The following RAB10 variants were observed in gnomAD, a reference collection of about 807,000 sequenced individuals.
RAB10 encodes RAB10, member RAS oncogene family.
A neutral mutation model predicts 25.7 loss-of-function variants in RAB10; 5 were observed. That is an observed-to-expected ratio of 0.19 (90% CI 0.10 to 0.41). RAB10 has a LOEUF of 0.41. Among genes scored for constraint, RAB10 ranks in the 10% least tolerant of loss-of-function variants. RAB10 has a pLI of 1.00. For synonymous variants in RAB10, 89 were observed against 86.4 expected (o/e 1.03, Z -0.16); for missense variants, 103 against 245.8 (o/e 0.42, Z 3.89).
At chr2:26,080,558 G>A (rs1000319601) in intron 1 of RAB10, among the ~76,000 whole-genome samples, 3 of 152,096 alleles carry the variant, frequency 2.0e-5, no homozygotes, top group African/African-American at 4.8e-5. Context: ...ATGTACACAG[G>A]AGTACAGTGA....
chr2:26,074,663 C>T (rs918603431), intron 1 of RAB10, among the ~76,000 whole-genome samples: 2 of 152,228 alleles, frequency 1.3e-5, no homozygotes, highest in Admixed American at 6.5e-5. Context: ...AGGTGATCCA[C>T]CCGCCTTGGT....
intron 2 of RAB10, among the ~76,000 whole-genome samples, chr2:26,105,284 A>G (rs182307870): frequency 6.6e-6 from 1 of 152,336 alleles, no homozygotes; most frequent in East Asian, 1.9e-4. Context: ...GGTATTGTTA[A>G]CAAGCAGCCA....
Position 26,134,991 on chromosome 2 carries a change from C to A in RAB10, c.573C>A (p.Gly191=). 2.5e-6 allele frequency: 4 copies of A among 1,613,564 alleles called. No homozygotes were observed. The highest frequency in any genetic ancestry group is 3.4e-6 in the Non-Finnish European group (4 of 1,179,686). The change falls in exon 6 of 6, where the codon GGC becomes GGA. Residue 191 remains glycine (G), a synonymous_variant. Transcript: ENST00000264710. ...ATGTAGATATCAGCAGTGGAGGAGG[C>A]GTGACAGGCTGGAAGAGCAAATGCT... ...SENVDISSGG[G]VTGWKSKCC
intron 2 of RAB10, among the ~76,000 whole-genome samples, chr2:26,100,320 T>TG (rs1667316423): frequency 6.6e-6 from 1 of 152,190 alleles, no homozygotes; most frequent in African/African-American, 2.4e-5. Flanking sequence ...AAAACTACTC[T>TG]CTTATCCTCT....
chr2:26,083,821 T>A (rs1666921225), intron 1 of RAB10, among the ~76,000 whole-genome samples: 1 of 152,132 alleles, frequency 6.6e-6, no homozygotes, highest in South Asian at 2.1e-4. Flanking sequence ...ACCTGCTTAA[T>A]CAATTGGAGT....
intron 1 of RAB10, among the ~76,000 whole-genome samples, chr2:26,082,732 G>T (rs1167585268): frequency 6.6e-6 from 1 of 152,096 alleles, no homozygotes; most frequent in Non-Finnish European, 1.5e-5. Flanking sequence ...ATGCAAGAGG[G>T]TATGCTTTCC....
At chr2:26,057,153 G>A (rs1666283809) in intron 1 of RAB10, among the ~76,000 whole-genome samples, 2 of 152,152 alleles carry the variant, frequency 1.3e-5, no homozygotes, top group African/African-American at 2.4e-5. Flanking sequence ...CTAAGTTAAC[G>A]TGTCCAGTAG....
chr2:26,056,671 T>G (rs1015109916), intron 1 of RAB10, among the ~76,000 whole-genome samples: 1 of 152,142 alleles, frequency 6.6e-6, no homozygotes, highest in East Asian at 1.9e-4. Flanking sequence ...TCTGTCACCC[T>G]GGCTAGAGTG....
At chr2:26,131,686 T>C (rs1668015747) in intron 5 of RAB10, among the ~76,000 whole-genome samples, 2 of 152,144 alleles carry the variant, frequency 1.3e-5, no homozygotes, top group Non-Finnish European at 2.9e-5. Context: ...CCCAGGTAAC[T>C]GATGTAATTA....
At chr2:26,086,042 C>CG (rs1666980180) in intron 1 of RAB10, among the ~76,000 whole-genome samples, 1 of 141,956 alleles carries the variant, frequency 7.0e-6, no homozygotes, top group South Asian at 2.2e-4. Context: ...GGGCCCGATG[C>CG]GGTAGCTCAC....
At chr2:26,068,907 A>C (rs1167233836) in intron 1 of RAB10, among the ~76,000 whole-genome samples, 2 of 152,178 alleles carry the variant, frequency 1.3e-5, no homozygotes, top group Non-Finnish European at 2.9e-5. Flanking sequence ...TTTCATGCAG[A>C]TTATCTCTTC....
chr2:26,072,176 T>C (rs962521691), intron 1 of RAB10, among the ~76,000 whole-genome samples: 3 of 152,040 alleles, frequency 2.0e-5, no homozygotes, highest in Admixed American at 6.6e-5. Context: ...CCCAGCACTT[T>C]GGGAGGCCGA....
At chr2:26,108,510 A>G (rs1477975466) in intron 2 of RAB10, among the ~76,000 whole-genome samples, 1 of 152,226 alleles carries the variant, frequency 6.6e-6, no homozygotes, top group African/African-American at 2.4e-5. Flanking sequence ...TATGGGGAGT[A>G]AAGAGGTGAT....
intron 1 of RAB10, among the ~76,000 whole-genome samples, chr2:26,046,422 A>C (rs1046745079): frequency 6.6e-6 from 1 of 152,140 alleles, no homozygotes; most frequent in Non-Finnish European, 1.5e-5. Flanking sequence ...AATGAGAAAA[A>C]CGTTTTTATT....
chr2:26,045,263 A>G (rs376744364), intron 1 of RAB10, among the ~76,000 whole-genome samples: 5 of 148,066 alleles, frequency 3.4e-5, no homozygotes, highest in Non-Finnish European at 7.4e-5. Flanking sequence ...TTTTTGAGAC[A>G]GAGTCTCGTT....
chr2:26,047,983 T>TGGCCTC (rs2149263153), intron 1 of RAB10, among the ~76,000 whole-genome samples: 1 of 150,448 alleles, frequency 6.6e-6, no homozygotes, highest in African/African-American at 2.4e-5. Flanking sequence ...GCCTCGGCCT[T>TGGCCTC]GGCCTCCCAA....
intron 1 of RAB10, among the ~76,000 whole-genome samples, chr2:26,039,744 G>A (rs1665843175): frequency 6.6e-6 from 1 of 151,994 alleles, no homozygotes; most frequent in African/African-American, 2.4e-5. Flanking sequence ...CAGGCTCAGT[G>A]GCTCACACCT....
intron 3 of RAB10, among the ~76,000 whole-genome samples, chr2:26,124,736 C>T (rs1667873254): frequency 6.6e-6 from 1 of 152,064 alleles, no homozygotes; most frequent in African/African-American, 2.4e-5. Context: ...TGAACTCAAG[C>T]TTTGCATCCA....
At chr2:26,065,431 G>A (rs921463154) in intron 1 of RAB10, among the ~76,000 whole-genome samples, 30 of 151,998 alleles carry the variant, frequency 2.0e-4, no homozygotes, top group African/African-American at 7.2e-4. Context: ...CTTTCATTTG[G>A]CACTTCCCTG....
Sources: gnomAD v4.1 joint callset for allele counts (sites outside exome capture counted in the v4.1 genomes callset) on GRCh38, gnomAD v4.1.1 for gene constraint, MANE v1.5 for transcripts, NCBI Gene and HGNC (gene_info 2026-07-23, HGNC 2026-07-21) for gene names.